ZMYND8: variants seen among roughly 807,000 people sequenced by gnomAD.
ZMYND8 encodes MYND-type zinc finger-containing chromatin reader ZMYND8.
Under a neutral mutation model 140.8 loss-of-function variants are expected in ZMYND8, and 37 were observed. That is an observed-to-expected ratio of 0.26 (90% confidence interval 0.20 to 0.35). The LOEUF (loss-of-function observed/expected upper bound fraction) is 0.35. Ranked by LOEUF, ZMYND8 falls within the 10% of genes least tolerant of loss-of-function variation. The pLI is 1.00. For synonymous variants in ZMYND8, 592 were observed against 597.1 expected (o/e 0.99, Z 0.12); for missense variants, 1,068 against 1,570.0 (o/e 0.68, Z 5.40).
At chr20:47,238,733 G>A (rs907026519) in intron 15 of ZMYND8, 25 bp downstream of exon 15, 11 of 1,597,100 alleles carry the variant, frequency 6.9e-6, no homozygotes, top group African/African-American at 2.7e-5. Flanking sequence ...GGGCGCCACG[G>A]AGAACAGAAG....
intron 12 of ZMYND8, among the ~76,000 whole-genome samples, chr20:47,250,338 GC>G (rs1568991519): frequency 6.6e-6 from 1 of 152,166 alleles, no homozygotes; most frequent in East Asian, 1.9e-4. Context: ...AAGCAACTCT[GC>G]AGGTGGGGCC....
chr20:47,253,024 A>G (rs1333531372), intron 12 of ZMYND8, among the ~76,000 whole-genome samples: 1 of 152,246 alleles, frequency 6.6e-6, no homozygotes, highest in East Asian at 1.9e-4. Flanking sequence ...ATGGGTGTGG[A>G]TGTGTTCCAG....
chr20:47,245,919 T>C, intron 14 of ZMYND8, 89 bp downstream of exon 14: 1 of 1,506,298 alleles, frequency 6.6e-7, no homozygotes, highest in Non-Finnish European at 8.9e-7. Context: ...GATTTGTTTC[T>C]TTAAGGGTCA....
At chr20:47,216,523 C>T (rs542856113) in intron 21 of ZMYND8, among the ~76,000 whole-genome samples, 316 of 100,670 alleles carry the variant, frequency 3.1e-3, no homozygotes, top group African/African-American at 0.014. Context: ...AAAAAAGGGC[C>T]GGGCTGGGCG....
At chr20:47,236,600 A>G in intron 15 of ZMYND8, 84 bp from the exon 16 acceptor site, 1 of 1,339,518 alleles carries the variant, frequency 7.5e-7, no homozygotes, top group Non-Finnish European at 9.9e-7. Flanking sequence ...AAAGCCCCTA[A>G]TAGACATCCT....
rs1211881294 is a variant in ZMYND8, at chr20:47,241,269, TG to T, written c.2285-2132del. Among the ~76,000 whole-genome samples, 10 of 128,754 alleles carry T rather than the reference TG, an allele frequency of 7.8e-5. No individual in the cohort carries two copies. The East Asian group carries it at 9.0e-4, about 12-fold the overall frequency. 84.5% of individuals were successfully genotyped at this position (128,754 alleles called of 152,430 possible). ...GAAATCGCCCCATTGCACTCCAGCC[TG>T]GGTGACAGGGCGAGACTCCGTCTCA... On this transcript the variant is annotated intron_variant, in intron 14 of 22. Coordinates refer to ENST00000471951, the MANE Select transcript of ZMYND8 (RefSeq NM_001281775.3).
At chr20:47,350,445 C>A (rs1459305873) in intron 1 of ZMYND8, among the ~76,000 whole-genome samples, 1 of 149,384 alleles carries the variant, frequency 6.7e-6, no homozygotes, top group Non-Finnish European at 1.5e-5. Context: ...CCACTGATTT[C>A]GGTTTTTTTG....
At chr20:47,285,578 T>C in intron 8 of ZMYND8, 1 of 690,726 alleles carries the variant, frequency 1.4e-6, no homozygotes, top group Non-Finnish European at 1.8e-6. Flanking sequence ...ACTCCCAATA[T>C]TGGAAAGGAC....
At chr20:47,286,801 T>G (rs2076951936) in intron 8 of ZMYND8, among the ~76,000 whole-genome samples, 1 of 152,102 alleles carries the variant, frequency 6.6e-6, no homozygotes, top group South Asian at 2.1e-4. Context: ...AGAAAACAGG[T>G]TCTCCTGGAC....
intron 5 of ZMYND8, among the ~76,000 whole-genome samples, chr20:47,293,140 AAGGAAGGAAGGGAGGGAGGGAGGGAGGG>A (rs1467328249): frequency 9.5e-5 from 3 of 31,582 alleles, no homozygotes; most frequent in African/African-American, 2.2e-4. Flanking sequence ...GGAAGGAAGG[AAGGAAGGAAGGGAGGGAGGGAGGGAGGG>A]AGGGAGGGAG....
chr20:47,243,348 G>A (rs1158695065), intron 14 of ZMYND8, among the ~76,000 whole-genome samples: 1 of 152,214 alleles, frequency 6.6e-6, no homozygotes, highest in Non-Finnish European at 1.5e-5. Flanking sequence ...AATTGGTTTT[G>A]CCCCAAGCCT....
intron 19 of ZMYND8, among the ~76,000 whole-genome samples, chr20:47,222,062 A>G (rs1202735824): frequency 6.6e-6 from 1 of 150,722 alleles, no homozygotes; most frequent in Non-Finnish European, 1.5e-5. Flanking sequence ...CATCAACAAG[A>G]GCCAACCTGT....
intron 2 of ZMYND8, among the ~76,000 whole-genome samples, chr20:47,330,360 G>GC (rs2080833825): frequency 7.3e-6 from 1 of 137,104 alleles, no homozygotes; most frequent in Non-Finnish European, 1.6e-5. Context: ...TGGGTTTTTT[G>GC]CTTTTTTTTT....
At chr20:47,317,863 C>T (rs2079538940) in intron 2 of ZMYND8, among the ~76,000 whole-genome samples, 1 of 152,094 alleles carries the variant, frequency 6.6e-6, no homozygotes, top group Admixed American at 6.5e-5. Context: ...CCTCTCTGTG[C>T]CTCAGAGAGT....
At chr20:47,321,120 G>A (rs1205286507) in intron 2 of ZMYND8, among the ~76,000 whole-genome samples, 1 of 152,158 alleles carries the variant, frequency 6.6e-6, no homozygotes, top group African/African-American at 2.4e-5. Flanking sequence ...TTTAACGAAG[G>A]TATTTATTAA....
intron 1 of ZMYND8, among the ~76,000 whole-genome samples, chr20:47,350,466 TGTG>T (rs2082693697): frequency 6.6e-6 from 1 of 151,346 alleles, no homozygotes; most frequent in African/African-American, 2.4e-5. Flanking sequence ...TGTGTGTGTG[TGTG>T]TTTTTTTTTG....
chr20:47,324,558 C>T (rs1296842893), intron 2 of ZMYND8, among the ~76,000 whole-genome samples: 1 of 152,044 alleles, frequency 6.6e-6, no homozygotes, highest in African/African-American at 2.4e-5. Flanking sequence ...AGATAGTGCA[C>T]TCCCTGCTTA....
chr20:47,327,976 A>G (rs1234314075), intron 2 of ZMYND8, among the ~76,000 whole-genome samples: 3 of 152,024 alleles, frequency 2.0e-5, no homozygotes, highest in Non-Finnish European at 2.9e-5. Context: ...CACCAAGCTC[A>G]GCAATTTTTT....
At chr20:47,279,938 C>A (rs1158040081) in intron 10 of ZMYND8, among the ~76,000 whole-genome samples, 1 of 152,044 alleles carries the variant, frequency 6.6e-6, no homozygotes, top group Non-Finnish European at 1.5e-5. Context: ...GCCTGGGCAA[C>A]ATGGCAAAAC....
Sources: gnomAD v4.1 joint callset for allele counts (sites outside exome capture counted in the v4.1 genomes callset) on GRCh38, gnomAD v4.1.1 for gene constraint, MANE v1.5 for transcripts, NCBI Gene and HGNC (gene_info 2026-07-23, HGNC 2026-07-21) for gene names.